DAB1: variants seen among roughly 807,000 people sequenced by gnomAD.
DAB1 encodes the protein DAB adaptor protein 1, also known as disabled homolog 1.
Under a neutral mutation model 64.6 loss-of-function variants are expected in DAB1, and 15 were observed. The observed-to-expected ratio is 0.23, with a 90% CI of 0.16 to 0.36. The LOEUF (loss-of-function observed/expected upper bound fraction) is 0.36, where lower values mean the gene tolerates loss of function less well. Among genes scored for constraint, DAB1 ranks in the 10% least tolerant of loss-of-function variants. The pLI is 1.00. For missense variants in DAB1, 596 were observed against 706.7 expected, an observed-to-expected ratio of 0.84 and a Z score of 1.78; for synonymous variants, 235 against 251.9, an observed-to-expected ratio of 0.93 and a Z score of 0.64.
chr1:57,194,552 C>G (rs1569847375), intron 2 of DAB1, among the ~76,000 whole-genome samples: 1 of 152,220 alleles, frequency 6.6e-6, no homozygotes, highest in Non-Finnish European at 1.5e-5. Context: ...CATACTATAT[C>G]ACGTGGAAAA....
At chr1:57,213,061 A>G (rs1345634503) in intron 2 of DAB1, among the ~76,000 whole-genome samples, 1 of 152,130 alleles carries the variant, frequency 6.6e-6, no homozygotes, top group South Asian at 2.1e-4. Context: ...GTCCTAGTGG[A>G]CTGTGCTGCC....
chr1:57,275,491 G>A (rs550539918), intron 2 of DAB1, among the ~76,000 whole-genome samples: 10 of 152,242 alleles, frequency 6.6e-5, no homozygotes, highest in African/African-American at 1.7e-4. Flanking sequence ...TTTAAAATTT[G>A]AATCCTTTAC....
chr1:57,430,814 T>C (rs1302558944), intron 7 of DAB1, among the ~76,000 whole-genome samples: 1 of 152,078 alleles, frequency 6.6e-6, no homozygotes, highest in Non-Finnish European at 1.5e-5. Context: ...TCAAATTCTA[T>C]ATTTTAATAA....
intron 6 of DAB1, among the ~76,000 whole-genome samples, chr1:57,687,641 G>A (rs1250837891): frequency 1.4e-5 from 2 of 142,918 alleles, no homozygotes; most frequent in Admixed American, 7.0e-5. Flanking sequence ...CAAAGCTCTA[G>A]GCATCACAAG....
intron 6 of DAB1, among the ~76,000 whole-genome samples, chr1:57,687,305 G>A (rs1169527285): frequency 6.6e-5 from 10 of 151,820 alleles, no homozygotes; most frequent in Admixed American, 6.6e-5. Flanking sequence ...CATAAAAAGT[G>A]GAAATAACTA....
Position 57,790,316 on chromosome 1 carries a change from G to A in DAB1, n.551+93683C>T, listed in dbSNP as rs376112267. ...GATGCTTTTACAAGGGGCTTTCCCC[G>A]TGCCTTTGCTCTGTACTTCTCCTTG... On this transcript the variant is annotated intron_variant and non_coding_transcript_variant, in intron 6 of 20. Coordinates refer to the DAB1 transcript ENST00000485760. Among the ~76,000 whole-genome samples, 3 of 152,124 alleles carry A rather than the reference G, an allele frequency of 2.0e-5. No homozygotes were observed. In the East Asian group the frequency reaches 5.8e-4, roughly 29 times the overall value.
At chr1:57,332,015 C>T (rs546842122) in intron 1 of DAB1, among the ~76,000 whole-genome samples, 30 of 152,228 alleles carry the variant, frequency 2.0e-4, no homozygotes, top group Admixed American at 7.9e-4. Flanking sequence ...CCAGCCTAGC[C>T]GGAGTTAGTG....
chr1:58,026,618 A>G (rs1646899290), intron 5 of DAB1, among the ~76,000 whole-genome samples: 1 of 152,178 alleles, frequency 6.6e-6, no homozygotes, highest in Admixed American at 6.5e-5. Flanking sequence ...TATGGGTGCA[A>G]AGAAAAGTGG....
At chr1:58,379,921 T>C (rs1045224879) in intron 3 of DAB1, among the ~76,000 whole-genome samples, 1 of 152,228 alleles carries the variant, frequency 6.6e-6, no homozygotes, top group African/African-American at 2.4e-5. Flanking sequence ...CAGCTAGAGA[T>C]GATATTTCTC....
At chr1:57,497,682 A>C (rs1204943406) in intron 7 of DAB1, among the ~76,000 whole-genome samples, 4 of 152,192 alleles carry the variant, frequency 2.6e-5, no homozygotes, top group Non-Finnish European at 5.9e-5. Context: ...TGAATGTCTC[A>C]ATGGAGGAAA....
intron 3 of DAB1, among the ~76,000 whole-genome samples, chr1:58,352,853 C>A (rs1260536071): frequency 1.3e-5 from 2 of 152,130 alleles, no homozygotes; most frequent in Non-Finnish European, 2.9e-5. Flanking sequence ...CTCCTTCTGT[C>A]ATGTAAGGAT....
At chr1:57,509,048 C>T (rs1336780078) in intron 7 of DAB1, among the ~76,000 whole-genome samples, 1 of 151,656 alleles carries the variant, frequency 6.6e-6, no homozygotes, top group Non-Finnish European at 1.5e-5. Context: ...TGTGTATATA[C>T]ATATACAAAA....
intron 5 of DAB1, among the ~76,000 whole-genome samples, chr1:58,033,343 T>C (rs540672977): frequency 6.6e-6 from 1 of 152,260 alleles, no homozygotes; most frequent in Admixed American, 6.5e-5. Context: ...TGTCCTTTCA[T>C]CCCACTTATC....
intron 1 of DAB1, among the ~76,000 whole-genome samples, chr1:57,838,062 G>A (rs915141926): frequency 6.6e-5 from 10 of 151,976 alleles, no homozygotes; most frequent in South Asian, 6.2e-4. Flanking sequence ...TCTATATTTT[G>A]TCACATATCT....
At chr1:57,582,752 T>C (rs1015714484) in intron 7 of DAB1, among the ~76,000 whole-genome samples, 4 of 152,232 alleles carry the variant, frequency 2.6e-5, no homozygotes, top group Non-Finnish European at 4.4e-5. Flanking sequence ...CCCTGTCTCA[T>C]GACAAGATCC....
At chr1:57,060,124 T>TA (rs1650226657) in intron 9 of DAB1, among the ~76,000 whole-genome samples, 3 of 147,868 alleles carry the variant, frequency 2.0e-5, no homozygotes, top group South Asian at 2.2e-4. Context: ...CATTCATATA[T>TA]TTTTTATTTT....
At chr1:57,049,215 C>T (rs1346141407) in intron 9 of DAB1, among the ~76,000 whole-genome samples, 8 of 151,558 alleles carry the variant, frequency 5.3e-5, no homozygotes, top group Admixed American at 5.3e-4. Flanking sequence ...TTTGGGAGGC[C>T]GAGGCAGGCA....
chr1:58,406,251 A>G (rs1250312684), intron 3 of DAB1, among the ~76,000 whole-genome samples: 1 of 152,176 alleles, frequency 6.6e-6, no homozygotes, highest in Non-Finnish European at 1.5e-5. Flanking sequence ...TCAGGCCTGC[A>G]ACAGACCGTA....
At chr1:58,147,983 G>GGA (rs1553163449) in intron 5 of DAB1, among the ~76,000 whole-genome samples, 4 of 113,538 alleles carry the variant, frequency 3.5e-5, no homozygotes, top group African/African-American at 8.8e-5. Context: ...TATAGCTGGA[G>GGA]AAAAAAAAAA....
Sources: allele counts gnomAD v4.1 joint callset (sites outside exome capture counted in the v4.1 genomes callset), GRCh38; gene constraint gnomAD v4.1.1; transcripts MANE v1.5; gene names NCBI Gene and HGNC (gene_info 2026-07-23, HGNC 2026-07-21).